FBN1: variants seen among roughly 807,000 people sequenced by gnomAD.
The protein encoded by FBN1 is fibrillin-1.
In FBN1, 29 loss-of-function variants were observed where a neutral mutation model predicts 365.1. The ratio of observed to expected loss-of-function variants is 0.08; its 90% CI spans 0.06 to 0.11. The LOEUF (loss-of-function observed/expected upper bound fraction) is 0.11. Ranked by LOEUF, FBN1 falls within the 10% of genes least tolerant of loss-of-function variation. The pLI is 1.00. For synonymous variants in FBN1, 1,210 were observed against 1,270.5 expected, an observed-to-expected ratio of 0.95 and a Z score of 1.01; for missense variants, 2,476 against 3,703.2, an observed-to-expected ratio of 0.67 and a Z score of 8.60.
Position 48,411,186 on chromosome 15 carries a change from T to C in FBN1, c.8420A>G (p.Asn2807Ser), listed in dbSNP as rs2042859108. 1 of 1,614,178 alleles carries C rather than the reference T, an allele frequency of 6.2e-7. No homozygotes were observed. The highest frequency in any genetic ancestry group is 8.5e-7 in the Non-Finnish European group (1 of 1,180,010). Residue 2807 changes from asparagine to serine, a missense_variant, in exon 66 of 66, where the codon AAC (asparagine) becomes AGC (serine). Physicochemically the swap from Asn to Ser is conservative, Grantham distance 46. Around this residue, in one of 5 missense-constraint regions of FBN1, gnomAD observed 177 missense variants for 192.7 expected, o/e 0.92. Transcript: ENST00000316623. ...GAGGTAGCTGATCCCTTCCTTTTGG[T>C]TGATTTTAAAGAAGCCATCTTCATT... ...SGNEDGFFKI[N>S]QKEGISYLHF...
At chr15:48,441,391 G>A (rs1416801298) in intron 50 of FBN1, among the ~76,000 whole-genome samples, 1 of 152,228 alleles carries the variant, frequency 6.6e-6, no homozygotes, top group African/African-American at 2.4e-5. Flanking sequence ...CAGAGGTAGG[G>A]GATATGTAGC....
In FBN1 at chr15:48,513,353, A is replaced by T. The variant is rs145931447; in HGVS notation, c.1588+196T>A. On this transcript the variant is annotated intron_variant, in intron 13 of 65. Transcript: ENST00000316623. ...TCCTTCAGGCATAGACGCATCTTAT[A>T]AAATAACTTCAATGCTTGCCAGATT... Among the ~76,000 whole-genome samples, 644 of 152,330 alleles carry T rather than the reference A, an allele frequency of 4.2e-3. 5 individuals are homozygous for T. The highest frequency in any genetic ancestry group is 6.8e-3 in the Non-Finnish European group (464 of 68,038).
intron 65 of FBN1, among the ~76,000 whole-genome samples, 180 bp downstream of exon 65, chr15:48,412,389 G>A (rs2042870555): frequency 6.6e-6 from 1 of 152,158 alleles, no homozygotes; most frequent in Admixed American, 6.5e-5. Context: ...CCGAAAAGCA[G>A]CAAGAAACTC....
chr15:48,477,320 A>G (rs1414246993), intron 32 of FBN1, among the ~76,000 whole-genome samples: 1 of 152,226 alleles, frequency 6.6e-6, no homozygotes, highest in East Asian at 1.9e-4. Context: ...AAAAGAAACT[A>G]TATTTACAAC....
intron 56 of FBN1, among the ~76,000 whole-genome samples, chr15:48,429,011 A>T (rs1221640287): frequency 1.3e-5 from 2 of 152,180 alleles, no homozygotes; most frequent in Non-Finnish European, 2.9e-5. Context: ...TACATACATA[A>T]TATGTGTATG....
chr15:48,529,331 C>T (rs527957793), intron 8 of FBN1: 2 of 152,616 alleles, frequency 1.3e-5, no homozygotes, highest in South Asian at 2.1e-4. Flanking sequence ...AATGGCAGAT[C>T]TCTTCCTTCC....
intron 2 of FBN1, among the ~76,000 whole-genome samples, chr15:48,635,303 A>C (rs979046549): frequency 6.6e-6 from 1 of 152,208 alleles, no homozygotes. Flanking sequence ...TTCAACCAAA[A>C]AAAAGTCACT....
chr15:48,552,726 C>T (rs2044153164), intron 6 of FBN1, among the ~76,000 whole-genome samples: 1 of 152,132 alleles, frequency 6.6e-6, no homozygotes, highest in Admixed American at 6.5e-5. Flanking sequence ...ACACCAAGTC[C>T]ACAAATTATG....
intron 34 of FBN1, among the ~76,000 whole-genome samples, chr15:48,473,722 A>T (rs2043395951): frequency 6.6e-6 from 1 of 152,162 alleles, no homozygotes; most frequent in Admixed American, 6.5e-5. Context: ...AATCTAGAAC[A>T]TCTAATCCCT....
intron 4 of FBN1, among the ~76,000 whole-genome samples, chr15:48,600,630 G>C (rs1223389116): frequency 1.3e-5 from 2 of 152,150 alleles, no homozygotes; most frequent in African/African-American, 4.8e-5. Context: ...CTTGAACCTG[G>C]GGGGGCAGAG....
At position 48,508,845 on chromosome 15, in the gene FBN1, G is replaced by C. The variant is rs2141321868; in HGVS notation, c.1715-141C>G. On this transcript the variant is annotated intron_variant, in intron 14 of 65. Coordinates refer to ENST00000316623, the MANE Select transcript of FBN1 (RefSeq NM_000138.5). The stretch of plus-strand genomic sequence containing the variant: ...CTAAGGCTAACTTTCATCCAAATAA[G>C]ATCATCTAAGGAAGGAGAAGATGGG... 4.0e-6 allele frequency: 4 copies of C among 999,496 alleles called. No homozygotes were observed. The East Asian group carries it at 1.0e-4, about 26-fold the overall frequency. 61.9% of individuals were successfully genotyped at this position (999,496 alleles called of 1,614,324 possible).
intron 8 of FBN1, among the ~76,000 whole-genome samples, chr15:48,533,627 C>T (rs2043990172): frequency 6.6e-6 from 1 of 152,096 alleles, no homozygotes; most frequent in Admixed American, 6.6e-5. Context: ...TGAGCATGTA[C>T]TAGGAGCATA....
At chr15:48,596,075 A>G (rs1404223345) in intron 6 of FBN1, among the ~76,000 whole-genome samples, 2 of 152,210 alleles carry the variant, frequency 1.3e-5, no homozygotes, top group African/African-American at 4.8e-5. Context: ...ATTTAGGTAA[A>G]CTTGGACTGA....
At chr15:48,626,047 T>TA (rs1029330598) in intron 2 of FBN1, among the ~76,000 whole-genome samples, 140 of 152,108 alleles carry the variant, frequency 9.2e-4, no homozygotes, top group African/African-American at 3.3e-3. Context: ...AAGAAACTTT[T>TA]AAAAAAAGAT....
intron 4 of FBN1, among the ~76,000 whole-genome samples, chr15:48,604,461 A>G (rs1887104946): frequency 6.6e-6 from 1 of 152,206 alleles, no homozygotes; most frequent in Admixed American, 6.5e-5. Flanking sequence ...GATAACAGCA[A>G]TGGCATTTCC....
At chr15:48,622,861 A>AT (rs1469119131) in intron 2 of FBN1, among the ~76,000 whole-genome samples, 1 of 152,130 alleles carries the variant, frequency 6.6e-6, no homozygotes, top group Admixed American at 6.6e-5. Context: ...CTCCATTTTT[A>AT]TATCAGCTCT....
chr15:48,580,596 A>T (rs921803077), intron 6 of FBN1, among the ~76,000 whole-genome samples: 1 of 152,212 alleles, frequency 6.6e-6, no homozygotes, highest in Non-Finnish European at 1.5e-5. Flanking sequence ...TGGGAAAAAA[A>T]GAAACATCTA....
chr15:48,490,049 A>G lies in FBN1; in HGVS notation c.2884T>C (p.Tyr962His), dbSNP rs1179986943. 10 of 1,613,956 alleles carry G rather than the reference A, an allele frequency of 6.2e-6. No individual in the cohort carries two copies. The African/African-American group carries it at 1.1e-4, about 17-fold the overall frequency. The change falls in exon 25 of 66, where the codon TAC (tyrosine) becomes CAC (histidine). Residue 962 changes from tyrosine (Y) to histidine (H), a missense_variant. Tyr to His is a moderately conservative substitution (Grantham distance 83). Around this residue, in one of 5 missense-constraint regions of FBN1, gnomAD observed 1,780 missense variants for 2,840.8 expected, o/e 0.63. Coordinates refer to ENST00000316623, the MANE Select transcript of FBN1 (RefSeq NM_000138.5). Reference protein sequence around the residue: ...DIRLETCFLRYEDEECTLPIA... With the variant: ...DIRLETCFLRHEDEECTLPIA... ...GGCAGGGTGCACTCCTCGTCCTCGTACCTCAGGAAGCAGGTTTCCAGGCGG... is the reference window on the plus strand; with the variant it reads ...GGCAGGGTGCACTCCTCGTCCTCGTGCCTCAGGAAGCAGGTTTCCAGGCGG...
rs1566904904 is a variant in FBN1, at chr15:48,469,083, T to TATATATATATATAATATAATATATATTAC, written c.4460-550_4460-549insGTAATATATATTATATTATATATATATAT. Among the ~76,000 whole-genome samples the TATATATATATATAATATAATATATATTAC allele has an allele frequency of 1.2e-4, 14 of 118,742 alleles. No homozygotes were observed. In the South Asian group the frequency reaches 3.4e-3, roughly 29 times the overall value. The allele number at this position is 118,742 out of a possible 152,430, so 77.9% of individuals were successfully genotyped here. ...ACTCCGTCTCAAAAAAAAAAAAATA[T>TATATATATATATAATATAATATATATTAC]ATATATATATAAAATATAATATATA... On this transcript the variant is annotated intron_variant, in intron 36 of 65. Coordinates refer to ENST00000316623, the MANE Select transcript of FBN1 (RefSeq NM_000138.5).
Sources: allele counts gnomAD v4.1 joint callset (sites outside exome capture counted in the v4.1 genomes callset), GRCh38; gene constraint gnomAD v4.1.1; regional missense constraint gnomAD v4.1.1; transcripts MANE v1.5; gene names NCBI Gene and HGNC (gene_info 2026-07-23, HGNC 2026-07-21).